AMBRA1: variants seen among roughly 807,000 people sequenced by gnomAD.
AMBRA1 encodes activating molecule in BECN1-regulated autophagy protein 1.
A neutral mutation model predicts 125.4 loss-of-function variants in AMBRA1; 47 were observed. The observed-to-expected ratio is 0.37, with a 90% CI of 0.30 to 0.48. The LOEUF (loss-of-function observed/expected upper bound fraction) is 0.48. Ranked by LOEUF, AMBRA1 falls within the 20% of genes least tolerant of loss-of-function variation. The pLI is 0.99. For missense variants in AMBRA1, 1,331 were observed against 1,693.4 expected (o/e 0.79, Z 3.76); for synonymous variants, 626 against 655.5 (o/e 0.95, Z 0.69).
intron 14 of AMBRA1, among the ~76,000 whole-genome samples, chr11:46,423,073 A>T (rs1946928295): frequency 6.6e-6 from 1 of 152,222 alleles, no homozygotes; most frequent in Non-Finnish European, 1.5e-5. Flanking sequence ...ATCAACTGAG[A>T]AGAGGGAAAA....
chr11:46,462,308 C>T (rs1273035675), intron 11 of AMBRA1, among the ~76,000 whole-genome samples: 1 of 152,156 alleles, frequency 6.6e-6, no homozygotes, highest in African/African-American at 2.4e-5. Context: ...CTCTATATGC[C>T]CCTTGGGGTA....
chr11:46,430,085 T>A (rs533036365), intron 14 of AMBRA1, among the ~76,000 whole-genome samples: 1 of 151,840 alleles, frequency 6.6e-6, no homozygotes, highest in Non-Finnish European at 1.5e-5. Context: ...AAGGGAAAGA[T>A]CAAAAGGACC....
chr11:46,590,746 G>A (rs1344746370), intron 1 of AMBRA1, among the ~76,000 whole-genome samples: 3 of 151,748 alleles, frequency 2.0e-5, no homozygotes, highest in African/African-American at 7.3e-5. Context: ...TAAAAGCTGA[G>A]TGAAAATACA....
chr11:46,479,824 T>G (rs1406991790), intron 11 of AMBRA1, among the ~76,000 whole-genome samples: 27 of 152,156 alleles, frequency 1.8e-4, no homozygotes, highest in Non-Finnish European at 1.3e-4. Flanking sequence ...AAACTATCTG[T>G]TATCAGTTTT....
intron 1 of AMBRA1, among the ~76,000 whole-genome samples, chr11:46,560,485 T>C (rs1352712933): frequency 6.6e-6 from 1 of 152,124 alleles, no homozygotes; most frequent in African/African-American, 2.4e-5. Flanking sequence ...AAGCTTGTGC[T>C]CAAAACAAAG....
intron 9 of AMBRA1, among the ~76,000 whole-genome samples, chr11:46,495,950 C>T (rs1380554293): frequency 6.6e-6 from 1 of 152,046 alleles, no homozygotes; most frequent in Non-Finnish European, 1.5e-5. Flanking sequence ...GGCCTCTAAG[C>T]CTCAAAAAGA....
intron 7 of AMBRA1, among the ~76,000 whole-genome samples, chr11:46,513,462 AG>A (rs759508811): frequency 1.4e-4 from 22 of 152,080 alleles, no homozygotes; most frequent in Non-Finnish European, 3.1e-4. Context: ...TTTTGATGCC[AG>A]GTAATAGGTA....
At chr11:46,401,933 C>T (rs1173472996) in intron 17 of AMBRA1, among the ~76,000 whole-genome samples, 1 of 152,108 alleles carries the variant, frequency 6.6e-6, no homozygotes, top group Non-Finnish European at 1.5e-5. Flanking sequence ...CTGGCCAGAC[C>T]CTTATCATGC....
Position 46,417,975 on chromosome 11 carries a change from A to G in AMBRA1, c.3054T>C (p.Pro1018=), listed in dbSNP as rs1432393404. 6.2e-7 allele frequency: 1 copy of G among 1,611,034 alleles called. No homozygotes were observed. Among genetic ancestry groups the G allele is most frequent in the African/African-American group, 1.3e-5 (1 of 74,972 alleles). ...HVSINSARWL[P]EPGLGLAYGT... ...CATAGGCCAAGCCAAGCCCTGGCTC[A>G]GGCAGCCAACGGGCAGAGTTGATAC... Residue 1018 remains proline (P), a synonymous_variant, in exon 15 of 18, where the codon CCT becomes CCC. Transcript: ENST00000683756.
chr11:46,397,661 CG>C lies in AMBRA1; in HGVS notation c.3685del (p.Arg1229GlyfsTer44), dbSNP rs1945520978. On this transcript the variant is annotated frameshift_variant, in exon 18 of 18. Coordinates refer to ENST00000683756, the MANE Select transcript of AMBRA1 (RefSeq NM_001387011.1). LOFTEE classifies it high-confidence loss of function. ...ACCAGGCTGGTCCCAGGAAGCTGTC[CG>C]GGGGCTTAGGCCTCGCTCTGCCAGT... ...GQLAERGLSPRTASWDQPGTP... is the reference protein window; with the variant it reads ...GQLAERGLSPXTASWDQPGTP... The C allele has an allele frequency of 6.2e-7, 1 of 1,612,854 alleles. No homozygotes were observed. The highest frequency in any genetic ancestry group is 1.7e-5 in the Admixed American group (1 of 59,964).
intron 7 of AMBRA1, among the ~76,000 whole-genome samples, chr11:46,529,708 G>A (rs905855117): frequency 6.6e-6 from 1 of 152,090 alleles, no homozygotes; most frequent in Admixed American, 6.6e-5. Flanking sequence ...ATGTGAGCCT[G>A]TTTTTTCAAC....
intron 1 of AMBRA1, among the ~76,000 whole-genome samples, chr11:46,568,991 G>C (rs970050821): frequency 1.3e-5 from 2 of 151,576 alleles, no homozygotes; most frequent in South Asian, 2.1e-4. Flanking sequence ...ATTTTTAGTA[G>C]AGACAGGGTT....
intron 7 of AMBRA1, among the ~76,000 whole-genome samples, chr11:46,523,594 C>G: frequency 6.6e-6 from 1 of 152,168 alleles, no homozygotes; most frequent in East Asian, 1.9e-4. Context: ...ATGTAAATTG[C>G]CTTCTTTTTA....
rs1952766040 is a variant in AMBRA1, at chr11:46,541,974, C to T, written c.2043G>A (p.Glu681=). The stretch of plus-strand genomic sequence containing the variant: ...TGAGTGAATCCTCCTCAGAGCTCTC[C>T]TCAGGCATATCCTGATGTAAGGCCT... ...SQEALHQDMP[E]ESSEEDSLRR... Residue 681 remains glutamate (E), a synonymous_variant, in exon 7 of 18, where the codon GAG becomes GAA. Coordinates refer to ENST00000683756, the MANE Select transcript of AMBRA1 (RefSeq NM_001387011.1). The T allele has an allele frequency of 6.2e-7, 1 of 1,613,598 alleles. No homozygotes were observed.
intron 1 of AMBRA1, among the ~76,000 whole-genome samples, chr11:46,569,313 C>G (rs1362868376): frequency 6.8e-6 from 1 of 146,516 alleles, no homozygotes; most frequent in Admixed American, 6.9e-5. Flanking sequence ...ATAGTTCATA[C>G]AAACATGTAT....
chr11:46,518,866 C>T (rs181546263), intron 7 of AMBRA1, among the ~76,000 whole-genome samples: 23 of 152,012 alleles, frequency 1.5e-4, no homozygotes, highest in Admixed American at 1.4e-3. Context: ...TTTTTCTTTC[C>T]CTGATTAATA....
At chr11:46,575,980 A>C (rs1440766172) in intron 1 of AMBRA1, among the ~76,000 whole-genome samples, 1 of 152,186 alleles carries the variant, frequency 6.6e-6, no homozygotes, top group African/African-American at 2.4e-5. Flanking sequence ...CAGGGACCAA[A>C]GCTATTTTTA....
chr11:46,485,202 T>C (rs1950224140), intron 11 of AMBRA1, among the ~76,000 whole-genome samples: 1 of 152,232 alleles, frequency 6.6e-6, no homozygotes, highest in Non-Finnish European at 1.5e-5. Flanking sequence ...CCTCCCAACA[T>C]GCTGGGATTA....
At chr11:46,551,339 G>T (rs1265961876) in intron 1 of AMBRA1, among the ~76,000 whole-genome samples, 2 of 151,846 alleles carry the variant, frequency 1.3e-5, no homozygotes, top group Non-Finnish European at 2.9e-5. Context: ...AAGAAACAGG[G>T]TATCACTCTA....
Sources: gnomAD v4.1 joint callset for allele counts (sites outside exome capture counted in the v4.1 genomes callset) on GRCh38, gnomAD v4.1.1 for gene constraint, MANE v1.5 for transcripts, NCBI Gene and HGNC (gene_info 2026-07-23, HGNC 2026-07-21) for gene names.